The following KCTD15 variants were observed in gnomAD, a reference collection of about 807,000 sequenced individuals.
KCTD15 encodes BTB/POZ domain-containing protein KCTD15.
In KCTD15, 11 loss-of-function variants were observed where a neutral mutation model predicts 27.2. The observed-to-expected ratio is 0.41, with a 90% CI of 0.25 to 0.67. The LOEUF (loss-of-function observed/expected upper bound fraction) is 0.67, where lower values mean the gene tolerates loss of function less well. KCTD15 is among the 30% of genes least tolerant of loss of function. KCTD15 has a pLI of 0.35. For synonymous variants in KCTD15, 163 were observed against 176.0 expected, an observed-to-expected ratio of 0.93 and a Z score of 0.58; for missense variants, 350 against 409.3, an observed-to-expected ratio of 0.86 and a Z score of 1.25.
rs757151548 is a variant in KCTD15 at position 33,801,254 on chromosome 19, A to T, written c.154A>T (p.Thr52Ser). The T allele has an allele frequency of 2.5e-6, 4 of 1,613,244 alleles. No homozygotes were observed. In the East Asian group the frequency reaches 8.9e-5, roughly 36 times the overall value. The change falls in exon 4 of 7, where the codon ACC becomes TCC. Residue 52 changes from threonine to serine, a missense_variant. Thr to Ser is a moderately conservative substitution (Grantham distance 58, BLOSUM62 1). Around this residue, in one of 3 missense-constraint regions of KCTD15, gnomAD observed 54 missense variants for 101.8 expected, o/e 0.53. Transcript: ENST00000683859. ...AQGIPLPAQL[T>S]KSNAPVHIDV... ...GGGCATCCCCCTGCCAGCCCAGCTCACCAAGTCCAATGCACCTGTGCACAT... is the reference window on the plus strand; with the variant it reads ...GGGCATCCCCCTGCCAGCCCAGCTCTCCAAGTCCAATGCACCTGTGCACAT...
chr19:33,812,474 G>T, intron 6 of KCTD15: 1 of 1,162,846 alleles, frequency 8.6e-7, no homozygotes, highest in Non-Finnish European at 1.1e-6. Context: ...ACACCCTACA[G>T]AATAAAGAAG....
In KCTD15 at chr19:33,814,230, G is replaced by C. The variant is rs1312635677; in HGVS notation, c.*1282G>C. 2 of 152,624 alleles carry C rather than the reference G, an allele frequency of 1.3e-5. No individual in the cohort carries two copies. The highest frequency in any genetic ancestry group is 2.4e-5 in the African/African-American group (1 of 41,440). The allele number at this position is 152,624 out of a possible 1,614,324, so 9.5% of individuals were successfully genotyped here. A position where few individuals can be genotyped will look rare whatever the true frequency, so the allele number is the denominator to read the frequency against. On this transcript the variant is annotated 3_prime_UTR_variant, in exon 7 of 7. Coordinates refer to ENST00000683859, the MANE Select transcript of KCTD15 (RefSeq NM_001129994.2). ...GTTCCCAGTCCATGCCATAAATGAT[G>C]CTCTCAAGCAAAAGACTGGAGGCTC...
chr19:33,813,294 G>A lies in KCTD15; in HGVS notation c.*346G>A, dbSNP rs771754213. On this transcript the variant is annotated 3_prime_UTR_variant, in exon 7 of 7. Transcript: ENST00000683859. The stretch of plus-strand genomic sequence containing the variant: ...CGTCTGCAGCTACTTCAGAGGAGCT[G>A]TTTATCCCTCTCCACGCGGGGCAGA... The A allele has an allele frequency of 2.3e-5, 13 of 568,028 alleles. No homozygotes were observed. The highest frequency in any genetic ancestry group is 1.2e-4 in the South Asian group (8 of 65,176). 35.2% of individuals were successfully genotyped at this position (568,028 alleles called of 1,614,324 possible). A position where few individuals can be genotyped will look rare whatever the true frequency, so the allele number is the denominator to read the frequency against.
At position 33,811,411 on chromosome 19, in the gene KCTD15, C is replaced by T. The variant is rs376850099; in HGVS notation, c.552C>T (p.Ser184=). Residue 184 remains serine (S), a synonymous_variant, in exon 6 of 7, where the codon AGC becomes AGT. Transcript: ENST00000683859. ...TPDLGERIAL[S]GEKALIEEVF... ...ACTTGGGCGAGCGGATCGCACTCAG[C>T]GGCGAGAAGGCCCTCATCGAGGAGG... is the stretch of plus-strand genomic sequence containing the variant. 4.0e-5 allele frequency: 64 copies of T among 1,609,586 alleles called. No individual in the cohort carries two copies. Among genetic ancestry groups the T allele is most frequent in the Non-Finnish European group, 5.2e-5 (61 of 1,178,450 alleles).
intron 6 of KCTD15, 56 bp downstream of exon 6, chr19:33,811,608 C>T (rs763167081): frequency 2.6e-6 from 4 of 1,564,020 alleles, no homozygotes; most frequent in Admixed American, 1.8e-5. Context: ...GCGGAGCCCT[C>T]CAGGGGCAGA....
In KCTD15 at chr19:33,806,879, A is replaced by G. The variant is rs373495613; in HGVS notation, c.259A>G (p.Asn87Asp). 6.2e-7 allele frequency: 1 copy of G among 1,613,972 alleles called. No homozygotes were observed. Residue 87 changes from asparagine (N) to aspartate (D), a missense_variant, in exon 5 of 7, where the codon AAT becomes GAT. Transcript: ENST00000683859. ...CTCTCCCAGGATAAGCCGCCTCTTC[A>G]ATGGCACTGAACCCATCGTCCTGGA... is the stretch of plus-strand genomic sequence containing the variant. ...YPDSRISRLF[N>D]GTEPIVLDSL...
chr19:33,805,464 G>C (rs1300569702), intron 4 of KCTD15, among the ~76,000 whole-genome samples: 3 of 152,212 alleles, frequency 2.0e-5, no homozygotes, highest in African/African-American at 7.2e-5. Context: ...GGCTGACTTG[G>C]AGTGGACAGA....
Position 33,801,486 on chromosome 19 carries a change from G to T in KCTD15, c.242+144G>T, listed in dbSNP as rs1035802675. The T allele has an allele frequency of 4.4e-6, 3 of 683,224 alleles. No homozygotes were observed. In the African/African-American group the frequency reaches 5.5e-5, roughly 12 times the overall value. The allele number at this position is 683,224 out of a possible 1,614,324, so 42.3% of individuals were successfully genotyped here. On this transcript the variant is annotated intron_variant, in intron 4 of 6. Transcript: ENST00000683859. ...GCACAAGCTGACACAGCCTGAGGGA[G>T]CTAGGGTTGGGGAGTCCAAGTCTGC... is the stretch of plus-strand genomic sequence containing the variant.
intron 4 of KCTD15, among the ~76,000 whole-genome samples, chr19:33,802,486 G>C (rs561729204): frequency 6.6e-6 from 1 of 152,306 alleles, no homozygotes; most frequent in Non-Finnish European, 1.5e-5. Context: ...ATGGTCCCTT[G>C]AGGAGGAAAA....
chr19:33,800,497 A>C lies in KCTD15; in HGVS notation c.43A>C (p.Thr15Pro). The change falls in exon 3 of 7, where the codon ACA (threonine) becomes CCA (proline). Residue 15 changes from threonine (T) to proline (P), a missense_variant. Transcript: ENST00000683859. The part of the protein sequence containing the change: ...KERPSGSSLH[T>P]HGSTGTAEGG... ...GCGGCCGAGCGGGTCCTCGCTTCAC[A>C]CACACGGCAGCACCGGCACCGCGGT... 6.2e-7 allele frequency: 1 copy of C among 1,603,726 alleles called. No homozygotes were observed. The highest frequency in any genetic ancestry group is 8.5e-7 in the Non-Finnish European group (1 of 1,176,528).
intron 5 of KCTD15, among the ~76,000 whole-genome samples, chr19:33,809,061 G>A (rs1337694953): frequency 6.6e-6 from 1 of 152,030 alleles, no homozygotes; most frequent in East Asian, 1.9e-4. Flanking sequence ...TGGATCACCT[G>A]AGGTCAGGAG....
At chr19:33,803,329 T>C (rs2145451651) in intron 4 of KCTD15, among the ~76,000 whole-genome samples, 1 of 152,318 alleles carries the variant, frequency 6.6e-6, no homozygotes, top group African/African-American at 2.4e-5. Context: ...CTTCCTGTAG[T>C]GGATTATTAT....
intron 5 of KCTD15, among the ~76,000 whole-genome samples, chr19:33,808,550 G>T (rs1359884693): frequency 6.6e-6 from 1 of 152,100 alleles, no homozygotes; most frequent in Admixed American, 6.6e-5. Context: ...ACTGGGAGGG[G>T]AAGGTCAGGA....
At chr19:33,796,644 G>T, upstream of KCTD15, 1 of 151,386 alleles carries the variant, frequency 6.6e-6, no homozygotes, top group South Asian at 1.8e-4. Flanking sequence ...CCGCCGGAGA[G>T]AGAGGAGGGA....
upstream of KCTD15, chr19:33,796,005 C>G (rs966631977): frequency 2.0e-5 from 3 of 152,216 alleles, no homozygotes; most frequent in Admixed American, 6.5e-5. Context: ...GCTCCAGCCC[C>G]GACCGACTGG....
At position 33,811,451 on chromosome 19, in the gene KCTD15, G is replaced by C. The variant is rs753144255; in HGVS notation, c.592G>C (p.Gly198Arg). The change falls in exon 6 of 7, where the codon GGA (glycine) becomes CGA (arginine). Residue 198 changes from glycine (G) to arginine (R), a missense_variant. Around this residue, in one of 3 missense-constraint regions of KCTD15, gnomAD observed 219 missense variants for 234.9 expected, o/e 0.93. Transcript: ENST00000683859. ...ALIEEVFPET[G>R]DVMCNSVNAG... The stretch of plus-strand genomic sequence containing the variant: ...CATCGAGGAGGTCTTCCCCGAGACC[G>C]GAGACGTCATGTGCAACTCCGTCAA... The C allele has an allele frequency of 6.2e-7, 1 of 1,612,738 alleles. No homozygotes were observed. The highest frequency in any genetic ancestry group is 2.2e-5 in the East Asian group (1 of 44,856).
At chr19:33,797,458 C>T (rs546196634) in intron 1 of KCTD15, 2 of 448,258 alleles carry the variant, frequency 4.5e-6, no homozygotes, top group South Asian at 3.1e-5. Context: ...TCCAGTGGGA[C>T]AGATGTGCGT....
At chr19:33,795,126 T>C (rs1379937313), upstream of KCTD15, among the ~76,000 whole-genome samples, 1 of 152,238 alleles carries the variant, frequency 6.6e-6, no homozygotes, top group Non-Finnish European at 1.5e-5. Context: ...TTGTAAGCTA[T>C]TTAAATCTAT....
chr19:33,801,426 C>G lies in KCTD15; in HGVS notation c.242+84C>G. ...TGCTGCCTAGGGGGTGGGGTCTCTCCCCACTGTCACTCCACCCACCAGGGT... is the reference window on the plus strand; with the variant it reads ...TGCTGCCTAGGGGGTGGGGTCTCTCGCCACTGTCACTCCACCCACCAGGGT... On this transcript the variant is annotated intron_variant, in intron 4 of 6. Coordinates refer to ENST00000683859, the MANE Select transcript of KCTD15 (RefSeq NM_001129994.2). 3.3e-6 allele frequency: 4 copies of G among 1,215,016 alleles called. No individual in the cohort carries two copies. In the South Asian group the frequency reaches 6.3e-5, roughly 19 times the overall value. The allele number at this position is 1,215,016 out of a possible 1,614,324, so 75.3% of individuals were successfully genotyped here. A position where few individuals can be genotyped will look rare whatever the true frequency, so the allele number is the denominator to read the frequency against.
Sources: gnomAD v4.1 joint callset for allele counts (sites outside exome capture counted in the v4.1 genomes callset) on GRCh38, gnomAD v4.1.1 for gene constraint, gnomAD v4.1.1 regional missense constraint, MANE v1.5 for transcripts, NCBI Gene and HGNC (gene_info 2026-07-23, HGNC 2026-07-21) for gene names.